Variants in PCSK2 observed in about 807,000 individuals in gnomAD.
PCSK2 encodes proprotein convertase subtilisin/kexin type 2, also known as neuroendocrine convertase 2.
In PCSK2, 14 loss-of-function variants were observed where a neutral mutation model predicts 69.7. The ratio of observed to expected loss-of-function variants is 0.20; its 90% CI spans 0.13 to 0.31. PCSK2 has a LOEUF of 0.31. PCSK2 is among the 10% of genes least tolerant of loss of function. The pLI, the probability that PCSK2 is intolerant of heterozygous loss-of-function variation, is 1.00. For missense variants in PCSK2, 544 were observed against 842.5 expected (o/e 0.65, Z 4.39); for synonymous variants, 307 against 320.7 (o/e 0.96, Z 0.46).
chr20:17,406,863 G>T (rs562700147), intron 5 of PCSK2, among the ~76,000 whole-genome samples: 1 of 152,080 alleles, frequency 6.6e-6, no homozygotes, highest in Non-Finnish European at 1.5e-5. Context: ...CTCCAGAAGC[G>T]CCCTCAAGCT....
At chr20:17,297,554 G>A (rs1988935403) in intron 2 of PCSK2, among the ~76,000 whole-genome samples, 1 of 152,218 alleles carries the variant, frequency 6.6e-6, no homozygotes, top group Non-Finnish European at 1.5e-5. Flanking sequence ...GGGGCTCAGG[G>A]GGTTGCCATG....
chr20:17,303,185 A>G (rs1989143671), intron 2 of PCSK2, among the ~76,000 whole-genome samples: 1 of 144,184 alleles, frequency 6.9e-6, no homozygotes, highest in Admixed American at 7.2e-5. Flanking sequence ...TACATATATA[A>G]TATATATATT....
At chr20:17,400,984 A>G (rs1228657956) in intron 5 of PCSK2, among the ~76,000 whole-genome samples, 3 of 152,230 alleles carry the variant, frequency 2.0e-5, no homozygotes, top group African/African-American at 7.2e-5. Flanking sequence ...TTAAATATAC[A>G]TCTTTCATTC....
chr20:17,353,020 G>A (rs572283454), intron 2 of PCSK2, among the ~76,000 whole-genome samples: 1 of 152,090 alleles, frequency 6.6e-6, no homozygotes, highest in Admixed American at 6.5e-5. Context: ...TTTTAAAATG[G>A]GCAAAGGACA....
At chr20:17,344,624 A>G (rs1990596753) in intron 2 of PCSK2, among the ~76,000 whole-genome samples, 1 of 86,524 alleles carries the variant, frequency 1.2e-5, no homozygotes, top group African/African-American at 4.3e-5. Flanking sequence ...ATTCATTTGT[A>G]TTCTGTAGCA....
intron 11 of PCSK2, among the ~76,000 whole-genome samples, chr20:17,475,068 C>T (rs1036755703): frequency 1.3e-5 from 2 of 151,464 alleles, no homozygotes; most frequent in Non-Finnish European, 2.9e-5. Context: ...TCAGGGAGAA[C>T]TGTAGGAGAG....
chr20:17,467,406 C>T (rs539093884), intron 11 of PCSK2, among the ~76,000 whole-genome samples: 5 of 152,214 alleles, frequency 3.3e-5, no homozygotes, highest in Non-Finnish European at 7.3e-5. Flanking sequence ...CTTGTCAGCA[C>T]ATTAAGTAAA....
intron 5 of PCSK2, among the ~76,000 whole-genome samples, chr20:17,374,359 A>C (rs1469945061): frequency 6.6e-6 from 1 of 152,192 alleles, no homozygotes; most frequent in Admixed American, 6.5e-5. Flanking sequence ...GGGTTCTGTT[A>C]GGTCTATGGA....
intron 11 of PCSK2, among the ~76,000 whole-genome samples, chr20:17,478,209 C>T (rs1176110577): frequency 6.6e-6 from 1 of 152,138 alleles, no homozygotes; most frequent in African/African-American, 2.4e-5. Context: ...CACTTTTTTC[C>T]TCCCGTGTAA....
intron 2 of PCSK2, among the ~76,000 whole-genome samples, chr20:17,313,921 C>T (rs1989596679): frequency 6.6e-6 from 1 of 152,116 alleles, no homozygotes; most frequent in Non-Finnish European, 1.5e-5. Flanking sequence ...AGCTCATATG[C>T]ACAAAGCAAA....
chr20:17,436,891 G>A lies in PCSK2; in HGVS notation c.885+8G>A, dbSNP rs201128752. ...GCCGATGGCGTGAACAAGGTAAGGG[G>A]GCCGGCCCCCTAGGCCCCGGCCACT... On this transcript the variant is annotated splice_region_variant and intron_variant, in intron 8 of 11. Coordinates refer to ENST00000262545, the MANE Select transcript of PCSK2 (RefSeq NM_002594.5). 125 of 1,597,088 alleles carry A rather than the reference G, an allele frequency of 7.8e-5. No individual in the cohort carries two copies. The African/African-American group carries it at 1.4e-3, about 18-fold the overall frequency.
chr20:17,408,890 C>T (rs981233341), intron 5 of PCSK2, among the ~76,000 whole-genome samples: 1 of 152,184 alleles, frequency 6.6e-6, no homozygotes, highest in Non-Finnish European at 1.5e-5. Context: ...AGAACTAGAA[C>T]ATCTGGCCAT....
chr20:17,376,646 G>A (rs2030936739), intron 5 of PCSK2, among the ~76,000 whole-genome samples: 1 of 152,176 alleles, frequency 6.6e-6, no homozygotes, highest in Admixed American at 6.5e-5. Context: ...CCAAGATTCT[G>A]ATGGTTAACC....
At chr20:17,478,882 T>A (rs576143976) in intron 11 of PCSK2, among the ~76,000 whole-genome samples, 1 of 152,356 alleles carries the variant, frequency 6.6e-6, no homozygotes, top group South Asian at 2.1e-4. Context: ...GCATTAAATT[T>A]TTCGTATTTA....
intron 1 of PCSK2, among the ~76,000 whole-genome samples, chr20:17,258,761 A>AGTGTGTGTGT (rs11467589): frequency 0.011 from 1,532 of 145,088 alleles, 14 homozygotes; most frequent in African/African-American, 0.029. Context: ...CATAATATGT[A>AGTGTGTGTGT]GTGTGTGTGT....
rs913391617 is a variant in PCSK2 at position 17,482,262 on chromosome 20, A to C, written c.*192A>C. ...CAATCTTTTTTACTCTATGCCCCAA[A>C]TATAGCGTTCCCAACAACATCCATG... On this transcript the variant is annotated 3_prime_UTR_variant, in exon 12 of 12. Coordinates refer to ENST00000262545, the MANE Select transcript of PCSK2 (RefSeq NM_002594.5). The C allele has an allele frequency of 2.1e-6, 1 of 471,758 alleles. No individual in the cohort carries two copies. Among genetic ancestry groups the C allele is most frequent in the African/African-American group, 1.9e-5 (1 of 51,558 alleles). The allele number at this position is 471,758 out of a possible 1,614,324, so 29.2% of individuals were successfully genotyped here.
At chr20:17,295,915 A>C (rs1375655778) in intron 2 of PCSK2, among the ~76,000 whole-genome samples, 3 of 152,180 alleles carry the variant, frequency 2.0e-5, no homozygotes. Flanking sequence ...GCCTGCACCC[A>C]GCCCCTCCTC....
At chr20:17,474,839 A>AG (rs11087208) in intron 11 of PCSK2, among the ~76,000 whole-genome samples, 107,256 of 151,946 alleles carry the variant, frequency 0.71, 37,934 homozygotes, top group Admixed American at 0.73. Flanking sequence ...AAAAGAAGTG[A>AG]GGTGACTGAG....
At chr20:17,428,406 A>ATG (rs3076116) in intron 6 of PCSK2, among the ~76,000 whole-genome samples, 48,899 of 151,048 alleles carry the variant, frequency 0.32, 8,982 homozygotes, top group South Asian at 0.58. Flanking sequence ...GAGAAAGAAA[A>ATG]TGTGTGTGTG....
Sources: gnomAD v4.1 joint callset for allele counts (sites outside exome capture counted in the v4.1 genomes callset) on GRCh38, gnomAD v4.1.1 for gene constraint, MANE v1.5 for transcripts, NCBI Gene and HGNC (gene_info 2026-07-23, HGNC 2026-07-21) for gene names.